BAZ2B: variants seen among roughly 807,000 people sequenced by gnomAD.
BAZ2B encodes the protein bromodomain adjacent to zinc finger domain protein 2B.
In BAZ2B, 91 loss-of-function variants were observed where a neutral mutation model predicts 246.0. The observed-to-expected ratio is 0.37, with a 90% CI of 0.31 to 0.44. The LOEUF (loss-of-function observed/expected upper bound fraction) is 0.44, where lower values mean the gene tolerates loss of function less well. Ranked by LOEUF, BAZ2B falls within the 20% of genes least tolerant of loss-of-function variation. The pLI is 1.00. For missense variants in BAZ2B, 2,332 were observed against 2,533.7 expected (o/e 0.92, Z 1.71); for synonymous variants, 855 against 860.0 (o/e 0.99, Z 0.10).
chr2:159,668,561 A>G, the BAZ2B span, among the ~76,000 whole-genome samples: 2 of 152,284 alleles, frequency 1.3e-5, no homozygotes, highest in African/African-American at 2.4e-5. Context: ...TTTTATCTCA[A>G]TCATGTAGGT....
At chr2:159,470,468 C>T (rs978403608) in intron 3 of BAZ2B, among the ~76,000 whole-genome samples, 1 of 152,064 alleles carries the variant, frequency 6.6e-6, no homozygotes, top group Non-Finnish European at 1.5e-5. Context: ...ATAAATCACA[C>T]CAAAATAAAG....
intron 3 of BAZ2B, among the ~76,000 whole-genome samples, chr2:159,467,218 T>C (rs1359467656): frequency 1.3e-5 from 2 of 152,160 alleles, no homozygotes; most frequent in African/African-American, 4.8e-5. Context: ...TCATGGAGGA[T>C]GTGCAGCCTT....
the BAZ2B span, among the ~76,000 whole-genome samples, chr2:159,671,800 C>T: frequency 1.3e-5 from 2 of 152,114 alleles, no homozygotes; most frequent in Admixed American, 1.3e-4. Flanking sequence ...CTAATGGCCA[C>T]TTCTCATGGA....
chr2:159,460,920 T>C (rs1344028631), intron 3 of BAZ2B: 3 of 152,330 alleles, frequency 2.0e-5, no homozygotes, highest in African/African-American at 4.8e-5. Flanking sequence ...CCAGTTAACC[T>C]TTATATATAA....
the BAZ2B span, among the ~76,000 whole-genome samples, chr2:159,666,298 C>T: frequency 3.5e-5 from 5 of 142,980 alleles, no homozygotes; most frequent in South Asian, 2.2e-4. Flanking sequence ...CTCGCTCTGT[C>T]GCCCAGGCTA....
chr2:159,488,581 G>C (rs2080100779), intron 2 of BAZ2B, among the ~76,000 whole-genome samples: 1 of 152,080 alleles, frequency 6.6e-6, no homozygotes, highest in Non-Finnish European at 1.5e-5. Flanking sequence ...TCTCAGAATG[G>C]TGAAATTATA....
chr2:159,652,424 A>G, the BAZ2B span, among the ~76,000 whole-genome samples: 11 of 152,020 alleles, frequency 7.2e-5, no homozygotes, highest in African/African-American at 2.7e-4. Flanking sequence ...TGGCCAGGCT[A>G]GTCTCAAACT....
chr2:159,348,319 CAAA>C (rs541304274), intron 30 of BAZ2B, among the ~76,000 whole-genome samples: 7 of 27,162 alleles, frequency 2.6e-4, no homozygotes, highest in Admixed American at 7.5e-4. Flanking sequence ...GACTCTCTCA[CAAA>C]AAAAAAAAAA....
chr2:159,509,745 T>C (rs946086345), intron 2 of BAZ2B, among the ~76,000 whole-genome samples: 1 of 152,168 alleles, frequency 6.6e-6, no homozygotes, highest in Non-Finnish European at 1.5e-5. Context: ...TATACATATA[T>C]ACATATTTAA....
chr2:159,337,363 A>T, intron 32 of BAZ2B: 1 of 1,322,258 alleles, frequency 7.6e-7, no homozygotes, highest in Non-Finnish European at 1.0e-6. Flanking sequence ...CGTATGGATC[A>T]CAGACATACA....
the BAZ2B span, among the ~76,000 whole-genome samples, chr2:159,628,843 T>C: frequency 8.0e-3 from 1,217 of 152,264 alleles, 21 homozygotes; most frequent in African/African-American, 0.028. Context: ...CTAAGGAGCT[T>C]CTGCACAGCA....
At chr2:159,420,267 G>A (rs1254665647) in intron 13 of BAZ2B, among the ~76,000 whole-genome samples, 2 of 152,104 alleles carry the variant, frequency 1.3e-5, no homozygotes, top group African/African-American at 4.8e-5. Context: ...AAACTGCCTG[G>A]CACATTAAGT....
chr2:159,392,075 T>C (rs983384020), intron 20 of BAZ2B: 2 of 152,150 alleles, frequency 1.3e-5, no homozygotes, highest in Non-Finnish European at 2.9e-5. Flanking sequence ...CATCTCACAA[T>C]TCACAGTGGA....
intron 1 of BAZ2B, among the ~76,000 whole-genome samples, chr2:159,560,032 T>A (rs1351565005): frequency 6.6e-6 from 1 of 152,208 alleles, no homozygotes; most frequent in African/African-American, 2.4e-5. Context: ...TATGAGTATT[T>A]TTTCAGCAAT....
intron 8 of BAZ2B, chr2:159,437,795 T>C (rs1409264871): frequency 6.5e-6 from 1 of 153,270 alleles, no homozygotes; most frequent in Non-Finnish European, 1.4e-5. Context: ...CGCATGCCAG[T>C]AGTCCCACCT....
In BAZ2B at chr2:159,616,446, T is replaced by C. The variant is rs573916725; in HGVS notation, c.-250A>G. ...TCCTTCTCCGTCTTCCGCCTCTCTC[T>C]CTCTGATTAGTTCCTATCCAGCAGC... is the stretch of plus-strand genomic sequence containing the variant. On this transcript the variant is annotated 5_prime_UTR_variant, in exon 1 of 37. Coordinates refer to ENST00000392783, the MANE Select transcript of BAZ2B (RefSeq NM_013450.4). 4 of 152,342 alleles carry C rather than the reference T, an allele frequency of 2.6e-5. No homozygotes were observed. In the East Asian group the frequency reaches 7.7e-4, roughly 29 times the overall value. 9.4% of individuals were successfully genotyped at this position (152,342 alleles called of 1,614,324 possible).
chr2:159,330,467 T>C (rs913292900), intron 34 of BAZ2B, among the ~76,000 whole-genome samples: 1 of 152,182 alleles, frequency 6.6e-6, no homozygotes, highest in Non-Finnish European at 1.5e-5. Flanking sequence ...TCAGATGACA[T>C]AGGCACTGAT....
intron 11 of BAZ2B, among the ~76,000 whole-genome samples, 169 bp downstream of exon 11, chr2:159,429,031 T>A (rs2070556126): frequency 6.6e-6 from 1 of 152,118 alleles, no homozygotes. Context: ...TAATTTCAGT[T>A]TTCTGATATA....
At chr2:159,449,958 GCC>G (rs947064497) in intron 4 of BAZ2B, among the ~76,000 whole-genome samples, 9 of 152,016 alleles carry the variant, frequency 5.9e-5, no homozygotes, top group South Asian at 2.1e-4. Context: ...TTCATTTGAG[GCC>G]AGGAATTTGA....
Sources: allele counts gnomAD v4.1 joint callset (sites outside exome capture counted in the v4.1 genomes callset), GRCh38; gene constraint gnomAD v4.1.1; transcripts MANE v1.5; gene names NCBI Gene and HGNC (gene_info 2026-07-23, HGNC 2026-07-21).